EDRF1: variants seen among roughly 807,000 people sequenced by gnomAD.
EDRF1 encodes erythroid differentiation-related factor 1.
A neutral mutation model predicts 148.7 loss-of-function variants in EDRF1; 69 were observed. The observed-to-expected ratio is 0.46, with a 90% confidence interval of 0.38 to 0.57. The LOEUF (loss-of-function observed/expected upper bound fraction) is 0.57. Ranked by LOEUF, EDRF1 falls within the 20% of genes least tolerant of loss-of-function variation. The pLI, the probability that EDRF1 is intolerant of heterozygous loss-of-function variation, is 0.00. For missense variants in EDRF1, 1,118 were observed against 1,478.7 expected (o/e 0.76, Z 4.00); for synonymous variants, 515 against 532.8 (o/e 0.97, Z 0.46).
chr10:125,735,411 G>T (rs1848677542), intron 12 of EDRF1, among the ~76,000 whole-genome samples: 1 of 152,034 alleles, frequency 6.6e-6, no homozygotes, highest in Non-Finnish European at 1.5e-5. Flanking sequence ...AAGAGGGAGG[G>T]CTCAGGGTGG....
At position 125,723,761 on chromosome 10, in the gene EDRF1, A is replaced by T. The variant is rs535518532; in HGVS notation, c.385-50A>T. On this transcript the variant is annotated intron_variant, in intron 3 of 24. Transcript: ENST00000356792. ...GAAGCTAAAATTTAAAAGATTCCAA[A>T]TCACACTAAAACAGTCTTTCTAAAC... 5 of 1,558,638 alleles carry T rather than the reference A, an allele frequency of 3.2e-6. No homozygotes were observed. The Admixed American group carries it at 6.7e-5, about 21-fold the overall frequency.
Position 125,733,717 on chromosome 10 carries a change from A to G in EDRF1, c.1359A>G (p.Thr453=), listed in dbSNP as rs1182535584. The G allele has an allele frequency of 6.2e-7, 1 of 1,613,368 alleles. No individual in the cohort carries two copies. The highest frequency in any genetic ancestry group is 8.5e-7 in the Non-Finnish European group (1 of 1,179,386). Residue 453 remains threonine, a synonymous_variant, in exon 11 of 25, where the codon ACA becomes ACG. Coordinates refer to ENST00000356792, the MANE Select transcript of EDRF1 (RefSeq NM_001202438.2). Reference sequence around the variant, plus strand: ...AAGACAAATACCAAAATCCATTCACAATGCCGGTAGCCATTCTCTTGTACA... The same window carrying G: ...AAGACAAATACCAAAATCCATTCACGATGCCGGTAGCCATTCTCTTGTACA... ...ETEDKYQNPF[T]MPVAILLYKV...
At chr10:125,737,808 A>T in intron 13 of EDRF1, 110 bp from the exon 14 acceptor site, 1 of 1,074,124 alleles carries the variant, frequency 9.3e-7, no homozygotes, top group Non-Finnish European at 1.4e-6. Flanking sequence ...GGATCTTTTT[A>T]AGCAAGATTT....
chr10:125,733,538 T>C lies in EDRF1; in HGVS notation c.1263T>C (p.Tyr421=). The change falls in exon 10 of 25, where the codon TAT becomes TAC. Residue 421 remains tyrosine, a synonymous_variant. Transcript: ENST00000356792. ...KSNCTKEGHT[Y]WLFKASGSDI... is the part of the protein sequence containing the mutation. ...ATTGTACCAAAGAAGGACATACCTA[T>C]TGGCTCTTTAAAGGTAAGCTATTAA... The C allele has an allele frequency of 6.2e-7, 1 of 1,602,560 alleles. No individual in the cohort carries two copies. The highest frequency in any genetic ancestry group is 8.5e-7 in the Non-Finnish European group (1 of 1,169,696).
chr10:125,734,249 A>G, intron 12 of EDRF1, 66 bp downstream of exon 12: 1 of 1,214,244 alleles, frequency 8.2e-7, no homozygotes, highest in Non-Finnish European at 1.2e-6. Flanking sequence ...TGTTACCTAG[A>G]CAGTAAAGCC....
At chr10:125,743,401 A>G in intron 18 of EDRF1, 125 bp downstream of exon 18, 1 of 737,688 alleles carries the variant, frequency 1.4e-6, no homozygotes, top group Non-Finnish European at 2.3e-6. Flanking sequence ...CTATTAGAGA[A>G]CCTCTTATTA....
chr10:125,725,562 C>G (rs1848217961), intron 5 of EDRF1, 120 bp downstream of exon 5: 1 of 1,564,798 alleles, frequency 6.4e-7, no homozygotes, highest in African/African-American at 1.4e-5. Flanking sequence ...ACATTTGTTT[C>G]ATATTTCTTT....
intron 21 of EDRF1, chr10:125,748,372 G>T: frequency 3.1e-6 from 1 of 319,332 alleles, no homozygotes; most frequent in Non-Finnish European, 6.0e-6. Flanking sequence ...TATGATTAGT[G>T]AATTTTGGGG....
intron 24 of EDRF1, among the ~76,000 whole-genome samples, chr10:125,760,448 A>G (rs1169963361): frequency 6.6e-6 from 1 of 152,218 alleles, no homozygotes; most frequent in African/African-American, 2.4e-5. Context: ...TGTAATCTAA[A>G]GTTTTCATGC....
At chr10:125,751,559 G>A (rs1564750984) in intron 22 of EDRF1, among the ~76,000 whole-genome samples, 1 of 152,064 alleles carries the variant, frequency 6.6e-6, no homozygotes, top group Non-Finnish European at 1.5e-5. Context: ...TTGATCCATT[G>A]ATTTTAAAGA....
intron 1 of EDRF1, 45 bp from the exon 2 acceptor site, chr10:125,721,159 G>A (rs1375711245): frequency 1.9e-6 from 3 of 1,590,700 alleles, no homozygotes; most frequent in South Asian, 1.1e-5. Context: ...GAGATTTTTC[G>A]TTCTTAGTAA....
At chr10:125,750,147 C>T (rs1849566170) in intron 22 of EDRF1, among the ~76,000 whole-genome samples, 1 of 151,550 alleles carries the variant, frequency 6.6e-6, no homozygotes, top group African/African-American at 2.4e-5. Flanking sequence ...TCTCAAAAAA[C>T]AAAAACAAAC....
chr10:125,728,191 CAA>C (rs36039615), intron 6 of EDRF1, among the ~76,000 whole-genome samples: 12 of 128,874 alleles, frequency 9.3e-5, no homozygotes, highest in Non-Finnish European at 9.6e-5. Flanking sequence ...AACTCTGTCT[CAA>C]AAAAAAAAAA....
intron 16 of EDRF1, 72 bp from the exon 17 acceptor site, chr10:125,740,929 C>T: frequency 6.8e-7 from 1 of 1,479,436 alleles, no homozygotes; most frequent in Non-Finnish European, 9.4e-7. Context: ...AACACAGTTT[C>T]TTCATATTTC....
At chr10:125,751,203 T>C (rs1589866278) in intron 22 of EDRF1, among the ~76,000 whole-genome samples, 1 of 152,280 alleles carries the variant, frequency 6.6e-6, no homozygotes, top group East Asian at 1.9e-4. Context: ...CCTCCCAAAG[T>C]GCTGGAAGAT....
chr10:125,731,239 A>G (rs1848469944), intron 9 of EDRF1, among the ~76,000 whole-genome samples: 2 of 152,222 alleles, frequency 1.3e-5, no homozygotes, highest in African/African-American at 2.4e-5. Context: ...GAGATAATCT[A>G]ATGGGAAATA....
In EDRF1 at chr10:125,738,398, G is replaced by A; in HGVS notation, c.1934G>A (p.Gly645Glu). Reference protein sequence around the residue: ...PLKYEDESSRGGPEGLEKQMA... With the variant: ...PLKYEDESSREGPEGLEKQMA... Reference sequence around the variant, plus strand: ...AAATATGAAGATGAATCCTCAAGAGGGGGTCCCGAGGGGCTAGAGAAGCAG... The same window carrying A: ...AAATATGAAGATGAATCCTCAAGAGAGGGTCCCGAGGGGCTAGAGAAGCAG... The change falls in exon 15 of 25, where the codon GGG (glycine) becomes GAG (glutamate). Residue 645 changes from glycine to glutamate, a missense_variant. Around this residue, in one of 3 missense-constraint regions of EDRF1, gnomAD observed 954 missense variants for 1,241.4 expected, o/e 0.77. Coordinates refer to ENST00000356792, the MANE Select transcript of EDRF1 (RefSeq NM_001202438.2). 6.2e-7 allele frequency: 1 copy of A among 1,614,094 alleles called. No homozygotes were observed. The highest frequency in any genetic ancestry group is 8.5e-7 in the Non-Finnish European group (1 of 1,179,998).
chr10:125,737,529 A>G (rs1300613920), intron 13 of EDRF1, among the ~76,000 whole-genome samples: 1 of 152,192 alleles, frequency 6.6e-6, no homozygotes, highest in Non-Finnish European at 1.5e-5. Context: ...TACACATAAT[A>G]TCCTTCATAG....
chr10:125,742,381 T>C, intron 17 of EDRF1: 1 of 1,181,470 alleles, frequency 8.5e-7, no homozygotes, highest in Admixed American at 3.5e-5. Context: ...TGTTTTATTA[T>C]GCTCTTAAAT....
Sources: gnomAD v4.1 joint callset for allele counts (sites outside exome capture counted in the v4.1 genomes callset) on GRCh38, gnomAD v4.1.1 for gene constraint, gnomAD v4.1.1 regional missense constraint, MANE v1.5 for transcripts, NCBI Gene and HGNC (gene_info 2026-07-23, HGNC 2026-07-21) for gene names.